Variants in ROBO1 observed in about 807,000 individuals in gnomAD.
The protein encoded by ROBO1 is roundabout guidance receptor 1, also known as roundabout homolog 1.
A neutral mutation model predicts 195.9 loss-of-function variants in ROBO1; 149 were observed. The observed-to-expected ratio is 0.76, with a 90% CI of 0.67 to 0.87. The LOEUF is 0.87. Among genes scored for constraint, ROBO1 ranks in the 40% least tolerant of loss-of-function variants. The probability of loss-of-function intolerance (pLI) is 0.00; values close to 1 mark genes in which losing one functional copy is unlikely to be tolerated. For missense variants in ROBO1, 1,933 were observed against 2,068.3 expected, an observed-to-expected ratio of 0.93 and a Z score of 1.27; for synonymous variants, 816 against 733.2, an observed-to-expected ratio of 1.11 and a Z score of -1.82.
At chr3:78,860,023 G>A (rs532260746) in intron 4 of ROBO1, among the ~76,000 whole-genome samples, 1 of 151,652 alleles carries the variant, frequency 6.6e-6, no homozygotes, top group African/African-American at 2.4e-5. Context: ...AGCTTGCAGT[G>A]AGCTGAGATT....
At chr3:79,595,383 G>A (rs904303268) in intron 1 of ROBO1, among the ~76,000 whole-genome samples, 5 of 151,974 alleles carry the variant, frequency 3.3e-5, no homozygotes, top group African/African-American at 7.2e-5. Flanking sequence ...TATTACATAA[G>A]AGAACACCTA....
intron 25 of ROBO1, among the ~76,000 whole-genome samples, chr3:78,628,481 G>A (rs752953161): frequency 1.2e-4 from 19 of 152,146 alleles, no homozygotes; most frequent in African/African-American, 2.4e-5. Context: ...TGGGAAGCAC[G>A]ATGGATCTGG....
intron 4 of ROBO1, among the ~76,000 whole-genome samples, chr3:78,855,782 T>A (rs987190763): frequency 9.2e-5 from 14 of 151,842 alleles, no homozygotes; most frequent in Non-Finnish European, 1.8e-4. Context: ...GAAAAAAAAA[T>A]TGCTTTAAAA....
chr3:79,252,212 T>C (rs951634538), intron 2 of ROBO1, among the ~76,000 whole-genome samples: 8 of 152,126 alleles, frequency 5.3e-5, no homozygotes, highest in African/African-American at 1.9e-4. Context: ...TGTATTTGGG[T>C]TGGATAGTGT....
At chr3:79,422,860 T>G (rs2038287048) in intron 2 of ROBO1, among the ~76,000 whole-genome samples, 1 of 152,156 alleles carries the variant, frequency 6.6e-6, no homozygotes, top group Admixed American at 6.6e-5. Flanking sequence ...GGTACTCACC[T>G]CCCACTCACA....
intron 4 of ROBO1, among the ~76,000 whole-genome samples, chr3:78,818,568 C>T (rs957949029): frequency 9.2e-5 from 14 of 152,230 alleles, no homozygotes; most frequent in African/African-American, 3.4e-4. Context: ...TCCTGGCCAA[C>T]GGAAGTACAC....
At chr3:79,093,669 TA>T (rs2079517835) in intron 3 of ROBO1, among the ~76,000 whole-genome samples, 3 of 152,088 alleles carry the variant, frequency 2.0e-5, no homozygotes, top group Admixed American at 2.0e-4. Context: ...CAGTTGTTTT[TA>T]AGACAGTATC....
chr3:79,494,163 C>A (rs571840213), intron 2 of ROBO1, among the ~76,000 whole-genome samples: 1 of 152,112 alleles, frequency 6.6e-6, no homozygotes, highest in Admixed American at 6.6e-5. Context: ...TTTTTTCTCC[C>A]CACGCCCCAT....
At chr3:78,852,352 T>C (rs1457691713) in intron 4 of ROBO1, among the ~76,000 whole-genome samples, 3 of 152,212 alleles carry the variant, frequency 2.0e-5, no homozygotes, top group Non-Finnish European at 4.4e-5. Context: ...CTCTTCGGCA[T>C]GGAAGAGAAT....
chr3:79,687,343 C>T (rs1474129565), intron 1 of ROBO1, among the ~76,000 whole-genome samples: 2 of 152,034 alleles, frequency 1.3e-5, no homozygotes, highest in African/African-American at 4.8e-5. Flanking sequence ...ACACCAAAAG[C>T]AATGGCAACA....
At chr3:79,243,700 G>C (rs1206340035) in intron 2 of ROBO1, among the ~76,000 whole-genome samples, 2 of 152,122 alleles carry the variant, frequency 1.3e-5, no homozygotes, top group East Asian at 3.9e-4. Context: ...TTGTAAATTT[G>C]TTTGAGTTCA....
At chr3:79,496,303 G>A (rs1349353176) in intron 2 of ROBO1, among the ~76,000 whole-genome samples, 1 of 147,942 alleles carries the variant, frequency 6.8e-6, no homozygotes, top group Admixed American at 6.7e-5. Context: ...AAGTAAAAAC[G>A]ATAGTTTATC....
chr3:78,650,296 C>A (rs529463466), intron 19 of ROBO1, among the ~76,000 whole-genome samples: 2 of 152,150 alleles, frequency 1.3e-5, no homozygotes, highest in Admixed American at 6.6e-5. Flanking sequence ...ATTTCACAGG[C>A]GGGAATATTG....
intron 2 of ROBO1, among the ~76,000 whole-genome samples, chr3:79,291,761 T>A (rs927294786): frequency 6.6e-6 from 1 of 152,202 alleles, no homozygotes; most frequent in Non-Finnish European, 1.5e-5. Context: ...AAGATTGTTA[T>A]AGTTTGAAAT....
At chr3:79,129,925 T>G (rs1181636722) in intron 2 of ROBO1, among the ~76,000 whole-genome samples, 1 of 135,994 alleles carries the variant, frequency 7.4e-6, no homozygotes. Context: ...CAGCACCATT[T>G]ATTAAATAGG....
intron 2 of ROBO1, among the ~76,000 whole-genome samples, chr3:79,569,144 A>ATG (rs1560000935): frequency 6.6e-6 from 1 of 152,120 alleles, no homozygotes; most frequent in African/African-American, 2.4e-5. Flanking sequence ...ACACACACAC[A>ATG]CACGCACGAT....
At chr3:78,699,940 A>G (rs2081383770) in intron 8 of ROBO1, among the ~76,000 whole-genome samples, 2 of 152,324 alleles carry the variant, frequency 1.3e-5, no homozygotes, top group East Asian at 3.9e-4. Flanking sequence ...ACTAAATCAT[A>G]TCAGAATGCT....
chr3:78,966,213 G>A (rs2076641183), intron 3 of ROBO1, among the ~76,000 whole-genome samples: 1 of 152,204 alleles, frequency 6.6e-6, no homozygotes, highest in South Asian at 2.1e-4. Context: ...CTCTCTGTCT[G>A]TGGAAAAATT....
At chr3:78,674,377 C>G (rs1022695913) in intron 10 of ROBO1, among the ~76,000 whole-genome samples, 3 of 152,188 alleles carry the variant, frequency 2.0e-5, no homozygotes, top group African/African-American at 7.2e-5. Context: ...AAGTACTCTG[C>G]CTACTAGCCA....
Sources: allele counts gnomAD v4.1 joint callset (sites outside exome capture counted in the v4.1 genomes callset), GRCh38; gene constraint gnomAD v4.1.1; transcripts MANE v1.5; gene names NCBI Gene and HGNC (gene_info 2026-07-23, HGNC 2026-07-21).